The following ZNF536 variants were observed in gnomAD, a reference collection of about 807,000 sequenced individuals.
ZNF536 encodes the protein zinc finger protein 536.
ZNF536 carries 13 observed loss-of-function variants against 84.5 expected under a neutral mutation model. The observed-to-expected ratio is 0.15, with a 90% confidence interval of 0.10 to 0.24. The LOEUF is 0.24. Among genes scored for constraint, ZNF536 ranks in the 10% least tolerant of loss-of-function variants. ZNF536 has a pLI of 1.00. For missense variants in ZNF536, 1,536 were observed against 1,747.5 expected (o/e 0.88, Z 2.16); for synonymous variants, 811 against 742.5 (o/e 1.09, Z -1.50).
intron 2 of ZNF536, among the ~76,000 whole-genome samples, chr19:30,459,256 A>C (rs1654280255): frequency 7.1e-6 from 1 of 141,618 alleles, no homozygotes; most frequent in Non-Finnish European, 1.6e-5. Context: ...TTTTTACCCC[A>C]TTGAATGTTT....
At chr19:30,504,096 G>A (rs2055060632) in intron 2 of ZNF536, among the ~76,000 whole-genome samples, 1 of 151,962 alleles carries the variant, frequency 6.6e-6, no homozygotes, top group Admixed American at 6.6e-5. Flanking sequence ...GGAAAAATAT[G>A]GCCACTTAGG....
intron 1 of ZNF536, among the ~76,000 whole-genome samples, chr19:30,247,884 C>T (rs983561806): frequency 2.6e-5 from 4 of 152,178 alleles, no homozygotes; most frequent in African/African-American, 9.7e-5. Flanking sequence ...TTATTTATTG[C>T]CTCCTTGGTT....
chr19:30,330,013 G>A (rs1439043715), intron 2 of ZNF536, among the ~76,000 whole-genome samples: 1 of 152,172 alleles, frequency 6.6e-6, no homozygotes, highest in Non-Finnish European at 1.5e-5. Context: ...ATGAGATGCT[G>A]TATTTGAAAG....
intron 1 of ZNF536, among the ~76,000 whole-genome samples, chr19:30,383,327 A>T (rs2049098380): frequency 6.6e-6 from 1 of 152,094 alleles, no homozygotes; most frequent in Non-Finnish European, 1.5e-5. Flanking sequence ...AAACAAATGC[A>T]ACTCAGGTTT....
At chr19:30,627,409 T>C (rs2048720301) in intron 1 of ZNF536, among the ~76,000 whole-genome samples, 1 of 130,022 alleles carries the variant, frequency 7.7e-6, no homozygotes. Context: ...AGTTTGAGGC[T>C]GCAGTGAGCC....
intron 1 of ZNF536, among the ~76,000 whole-genome samples, chr19:30,274,701 C>T (rs557293367): frequency 4.1e-4 from 62 of 152,228 alleles, no homozygotes; most frequent in African/African-American, 1.2e-3. Flanking sequence ...TAGACCATTT[C>T]GTCACCCAGG....
intron 2 of ZNF536, among the ~76,000 whole-genome samples, chr19:30,459,017 AG>A (rs2148400800): frequency 6.6e-6 from 1 of 152,302 alleles, no homozygotes; most frequent in South Asian, 2.1e-4. Context: ...TGGCCCAGCA[AG>A]GGCTCCTCAG....
Position 30,616,687 on chromosome 19 carries a change from C to A in ZNF536, c.169+67173C>A, listed in dbSNP as rs180773498. Among the ~76,000 whole-genome samples the A allele has an allele frequency of 1.8e-4, 27 of 152,258 alleles. No homozygotes were observed. The East Asian group carries it at 4.2e-3, about 24-fold the overall frequency. On this transcript the variant is annotated intron_variant, in intron 1 of 1. Coordinates refer to the ZNF536 transcript ENST00000592773. ...TCAAAAAAAGAATTTGGAAATTTTT[C>A]TTCTCTCTTTTAGCTCTTAGAGAGT...
At chr19:30,319,422 C>T (rs1280567117) in intron 2 of ZNF536, among the ~76,000 whole-genome samples, 1 of 151,902 alleles carries the variant, frequency 6.6e-6, no homozygotes, top group Non-Finnish European at 1.5e-5. Flanking sequence ...TTTAAAACAT[C>T]AGCATTTTAT....
chr19:30,285,903 G>A (rs2045607796), intron 2 of ZNF536, among the ~76,000 whole-genome samples: 1 of 152,190 alleles, frequency 6.6e-6, no homozygotes. Context: ...TCTCTTGTTG[G>A]TCTAACCTAT....
upstream of ZNF536, among the ~76,000 whole-genome samples, chr19:30,227,262 A>C (rs2022664576): frequency 6.6e-6 from 1 of 152,072 alleles, no homozygotes; most frequent in African/African-American, 2.4e-5. Context: ...GTGGAAAGTT[A>C]AGTCCCCCCC....
chr19:30,286,559 C>T (rs79230115), intron 2 of ZNF536, among the ~76,000 whole-genome samples: 58 of 137,066 alleles, frequency 4.2e-4, no homozygotes, highest in African/African-American at 1.2e-3. Context: ...AGAGAGAGAC[C>T]GAGAGAGACA....
chr19:30,630,471 G>A (rs892688914), intron 1 of ZNF536, among the ~76,000 whole-genome samples: 2 of 151,856 alleles, frequency 1.3e-5, no homozygotes, highest in African/African-American at 2.4e-5. Flanking sequence ...CATTTGCATG[G>A]CTGTGTGTGC....
At chr19:30,704,601 C>T (rs951630991) in intron 1 of ZNF536, among the ~76,000 whole-genome samples, 3 of 137,772 alleles carry the variant, frequency 2.2e-5, no homozygotes, top group Non-Finnish European at 3.0e-5. Flanking sequence ...GAGCTGAGAT[C>T]GTGCCATTGC....
chr19:30,227,820 G>A (rs941261136), upstream of ZNF536, among the ~76,000 whole-genome samples: 2 of 151,970 alleles, frequency 1.3e-5, no homozygotes, highest in Non-Finnish European at 2.9e-5. Flanking sequence ...TCCGGCGGCC[G>A]GGCAGCCCGA....
downstream of ZNF536, among the ~76,000 whole-genome samples, chr19:30,560,792 T>C (rs1463734578): frequency 1.3e-5 from 2 of 152,230 alleles, no homozygotes; most frequent in Non-Finnish European, 2.9e-5. Flanking sequence ...AGATGATTAT[T>C]CCATAAGTAT....
chr19:30,466,060 T>A (rs1375008626), intron 2 of ZNF536, among the ~76,000 whole-genome samples: 9 of 151,958 alleles, frequency 5.9e-5, no homozygotes, highest in African/African-American at 1.9e-4. Context: ...AAGAATTTTT[T>A]AAAAAATTAG....
At chr19:30,671,205 G>A (rs2050539819) in intron 1 of ZNF536, among the ~76,000 whole-genome samples, 1 of 152,222 alleles carries the variant, frequency 6.6e-6, no homozygotes, top group Admixed American at 6.5e-5. Context: ...GTTGCCCTTA[G>A]GCAAATCATC....
At chr19:30,269,120 A>T (rs1217119655) in intron 1 of ZNF536, among the ~76,000 whole-genome samples, 1 of 152,236 alleles carries the variant, frequency 6.6e-6, no homozygotes, top group Non-Finnish European at 1.5e-5. Flanking sequence ...CCAATTTAGA[A>T]TGTGACTTAA....
Sources: allele counts gnomAD v4.1 joint callset (sites outside exome capture counted in the v4.1 genomes callset), GRCh38; gene constraint gnomAD v4.1.1; transcripts MANE v1.5; gene names NCBI Gene and HGNC (gene_info 2026-07-23, HGNC 2026-07-21).